The following DAB1 variants were observed in gnomAD, a reference collection of about 807,000 sequenced individuals.
DAB1 encodes DAB adaptor protein 1, also known as disabled homolog 1.
DAB1 carries 15 observed loss-of-function variants against 64.6 expected under a neutral mutation model. The observed-to-expected ratio is 0.23, with a 90% CI of 0.16 to 0.36. The LOEUF (loss-of-function observed/expected upper bound fraction) is 0.36. DAB1 is among the 10% of genes least tolerant of loss of function. DAB1 has a pLI of 1.00. For synonymous variants in DAB1, 235 were observed against 251.9 expected (o/e 0.93, Z 0.64); for missense variants, 596 against 706.7 (o/e 0.84, Z 1.78).
At chr1:58,388,042 G>A (rs1217377395) in intron 3 of DAB1, among the ~76,000 whole-genome samples, 1 of 152,072 alleles carries the variant, frequency 6.6e-6, no homozygotes. Flanking sequence ...GGCATCTTAA[G>A]ACAATTACAT....
chr1:58,264,660 G>C (rs1468345343), intron 4 of DAB1, among the ~76,000 whole-genome samples: 3 of 152,222 alleles, frequency 2.0e-5, no homozygotes, highest in African/African-American at 7.2e-5. Context: ...AAATGAGGAA[G>C]TGGTGAAGCC....
intron 4 of DAB1, among the ~76,000 whole-genome samples, chr1:57,131,317 G>A (rs1570748884): frequency 6.6e-6 from 1 of 152,116 alleles, no homozygotes; most frequent in African/African-American, 2.4e-5. Flanking sequence ...CTATAAAAGG[G>A]GGATAATAAA....
At chr1:57,407,841 A>C (rs2101048826) in intron 1 of DAB1, among the ~76,000 whole-genome samples, 1 of 151,914 alleles carries the variant, frequency 6.6e-6, no homozygotes, top group East Asian at 1.9e-4. Context: ...GACAAATGTA[A>C]GATTACCACT....
At chr1:58,228,565 G>C (rs773623985) in intron 4 of DAB1, 1 of 429,166 alleles carries the variant, frequency 2.3e-6, no homozygotes, top group Non-Finnish European at 4.4e-6. Context: ...GGCAGGGGGA[G>C]GGGGGACTCT....
intron 4 of DAB1, among the ~76,000 whole-genome samples, chr1:57,126,404 A>C (rs772331458): frequency 1.3e-5 from 2 of 152,182 alleles, no homozygotes; most frequent in Non-Finnish European, 2.9e-5. Context: ...GAAACAATGT[A>C]GTGGACAGGG....
chr1:58,259,960 T>G (rs982726578), intron 4 of DAB1, among the ~76,000 whole-genome samples: 2 of 152,158 alleles, frequency 1.3e-5, no homozygotes, highest in Non-Finnish European at 2.9e-5. Flanking sequence ...ACAATAACCC[T>G]ATGAGGCTAA....
At chr1:57,428,571 T>A (rs1685375945), upstream of DAB1, among the ~76,000 whole-genome samples, 1 of 152,150 alleles carries the variant, frequency 6.6e-6, no homozygotes, top group South Asian at 2.1e-4. Flanking sequence ...CTGTTGACAG[T>A]CATTAGGGCG....
chr1:57,137,751 G>A (rs1413762552), intron 3 of DAB1, among the ~76,000 whole-genome samples: 1 of 152,138 alleles, frequency 6.6e-6, no homozygotes, highest in Non-Finnish European at 1.5e-5. Context: ...ATATTTCCAG[G>A]AGACAAAAAG....
At chr1:57,237,744 C>G (rs1442277230) in intron 2 of DAB1, among the ~76,000 whole-genome samples, 2 of 152,150 alleles carry the variant, frequency 1.3e-5, no homozygotes, top group Non-Finnish European at 2.9e-5. Context: ...AGAGATTACT[C>G]AAATTGTTCA....
chr1:58,481,190 A>C (rs1645475675), intron 3 of DAB1: 1 of 753,060 alleles, frequency 1.3e-6, no homozygotes, highest in Non-Finnish European at 2.3e-6. Context: ...AAGAAATAAT[A>C]AAATAAAAAA....
At chr1:57,483,447 C>T (rs1644049258) in intron 7 of DAB1, among the ~76,000 whole-genome samples, 1 of 152,170 alleles carries the variant, frequency 6.6e-6, no homozygotes. Flanking sequence ...GTAAGATGTG[C>T]TTTCACCTTC....
intron 4 of DAB1, among the ~76,000 whole-genome samples, chr1:58,270,412 T>C (rs1373648490): frequency 3.7e-5 from 4 of 107,258 alleles, no homozygotes; most frequent in African/African-American, 1.6e-4. Flanking sequence ...ACCATGCTGT[T>C]TTGGTTACTG....
At chr1:57,109,599 A>G (rs1220081865) in intron 4 of DAB1, among the ~76,000 whole-genome samples, 4 of 152,198 alleles carry the variant, frequency 2.6e-5, no homozygotes, top group East Asian at 1.9e-4. Context: ...TATTACCACA[A>G]TTTTATGAAT....
chr1:58,155,622 AGGGT>A (rs1655181536), intron 4 of DAB1, among the ~76,000 whole-genome samples: 1 of 152,220 alleles, frequency 6.6e-6, no homozygotes, highest in African/African-American at 2.4e-5. Context: ...ACAAAAGGAT[AGGGT>A]TGTAGCTAAG....
chr1:57,340,160 G>C (rs959003769), intron 1 of DAB1, among the ~76,000 whole-genome samples: 2 of 152,164 alleles, frequency 1.3e-5, no homozygotes, highest in African/African-American at 2.4e-5. Flanking sequence ...TGATTCATTT[G>C]CAAGTGGGAA....
intron 7 of DAB1, among the ~76,000 whole-genome samples, chr1:57,547,311 T>C (rs1270446239): frequency 6.6e-6 from 1 of 151,430 alleles, no homozygotes; most frequent in Admixed American, 6.6e-5. Context: ...GGGTTAATTT[T>C]TTTTAAGTTT....
chr1:58,013,394 T>TTG (rs955505816), intron 5 of DAB1, among the ~76,000 whole-genome samples: 1 of 152,122 alleles, frequency 6.6e-6, no homozygotes, highest in African/African-American at 2.4e-5. Context: ...TCTCTGACCA[T>TTG]TGTGTGATGC....
chr1:57,656,858 T>C (rs1646325001), intron 6 of DAB1, among the ~76,000 whole-genome samples: 1 of 152,250 alleles, frequency 6.6e-6, no homozygotes, highest in East Asian at 1.9e-4. Flanking sequence ...TATTTCCCCT[T>C]TCTAAAGTTT....
At chr1:57,422,187 T>A (rs530351439) in intron 1 of DAB1, among the ~76,000 whole-genome samples, 1 of 152,172 alleles carries the variant, frequency 6.6e-6, no homozygotes, top group South Asian at 2.1e-4. Context: ...ACGTTAAGTG[T>A]TGTAAAGTGT....
Sources: allele counts gnomAD v4.1 joint callset (sites outside exome capture counted in the v4.1 genomes callset), GRCh38; gene constraint gnomAD v4.1.1; transcripts MANE v1.5; gene names NCBI Gene and HGNC (gene_info 2026-07-23, HGNC 2026-07-21).